SNED1: variants seen among roughly 807,000 people sequenced by gnomAD.
SNED1 encodes sushi, nidogen and EGF-like domain-containing protein 1.
SNED1 carries 81 observed loss-of-function variants against 166.7 expected under a neutral mutation model. The observed-to-expected ratio is 0.49, with a 90% CI of 0.41 to 0.58. The LOEUF (loss-of-function observed/expected upper bound fraction) is 0.58, where lower values mean the gene tolerates loss of function less well. Among genes scored for constraint, SNED1 ranks in the 20% least tolerant of loss-of-function variants. The pLI is 0.00. For missense variants in SNED1, 1,604 were observed against 2,000.2 expected (o/e 0.80, Z 3.78); for synonymous variants, 762 against 822.0 (o/e 0.93, Z 1.25).
intron 26 of SNED1, chr2:241,072,646 C>T (rs751933241): frequency 4.0e-5 from 9 of 223,830 alleles, no homozygotes; most frequent in Non-Finnish European, 5.3e-5. Context: ...GGGTCCCTGC[C>T]GCACGGTGAG....
chr2:241,008,400 C>T (rs904308792), intron 1 of SNED1, among the ~76,000 whole-genome samples: 7 of 152,244 alleles, frequency 4.6e-5, no homozygotes, highest in Non-Finnish European at 8.8e-5. Context: ...AAGCTGCCCC[C>T]ACAGGGTCCC....
intron 1 of SNED1, among the ~76,000 whole-genome samples, chr2:241,016,850 C>CTTTTTTTT (rs5839783): frequency 5.6e-5 from 7 of 125,796 alleles, no homozygotes; most frequent in Non-Finnish European, 8.4e-5. Context: ...TTCTTTCTTT[C>CTTTTTTTT]TTTTTTTTTT....
rs1293203489 is a variant in SNED1 at position 241,073,391 on chromosome 2, T to C, written c.3916+27T>C. 6.5e-7 allele frequency: 1 copy of C among 1,533,588 alleles called. No individual in the cohort carries two copies. Among genetic ancestry groups the C allele is most frequent in the Non-Finnish European group, 8.8e-7 (1 of 1,130,214 alleles). The allele number at this position is 1,533,588 out of a possible 1,614,324, so 95.0% of individuals were successfully genotyped here. A position where few individuals can be genotyped will look rare whatever the true frequency, so the allele number is the denominator to read the frequency against. On this transcript the variant is annotated intron_variant, in intron 27 of 31. Transcript: ENST00000310397. This position sits in a 1 kb window ranked among gnomAD's most constrained non-coding sequence, Gnocchi z 6.6. ...TGAGTCAGCAGCGCTGGTGGGGACT[T>C]TGGGACTGACTGACTGCTCTCAGGG...
chr2:241,050,177 T>G, intron 12 of SNED1: 1 of 565,084 alleles, frequency 1.8e-6, no homozygotes, highest in South Asian at 2.2e-5. Flanking sequence ...ATAGGCTTCA[T>G]TGCCTGCTCA....
At position 241,064,782 on chromosome 2, in the gene SNED1, G is replaced by A. The variant is rs2286319; in HGVS notation, c.2600-62G>A. On this transcript the variant is annotated intron_variant, in intron 19 of 31. Transcript: ENST00000310397. This position sits in a 1 kb window ranked among gnomAD's most constrained non-coding sequence, Gnocchi z 7.0. Reference sequence around the variant, plus strand: ...GACCCAGTGCCCCAGGAGCAAGGGCGGGGCTGGAGCAGGGACCCCTGGCCA... The same window carrying A: ...GACCCAGTGCCCCAGGAGCAAGGGCAGGGCTGGAGCAGGGACCCCTGGCCA... 1.6e-6 allele frequency: 2 copies of A among 1,229,764 alleles called. No homozygotes were observed. The highest frequency in any genetic ancestry group is 2.2e-6 in the Non-Finnish European group (2 of 896,326). The allele number at this position is 1,229,764 out of a possible 1,614,324, so 76.2% of individuals were successfully genotyped here. A position where few individuals can be genotyped will look rare whatever the true frequency, so the allele number is the denominator to read the frequency against.
At chr2:241,044,422 A>G (rs1482226355) in intron 8 of SNED1, among the ~76,000 whole-genome samples, 1 of 152,234 alleles carries the variant, frequency 6.6e-6, no homozygotes, top group East Asian at 1.9e-4. Flanking sequence ...GAATACAGCT[A>G]CAATCCTGGA....
In SNED1 at chr2:241,051,872, AG is replaced by A; in HGVS notation, c.1852+16del. Reference sequence around the variant, plus strand: ...GCACTGTGAGATCGGTGCGGCCCCCAGGGGCAGGGGGGAGGGCAGGAACGAC... The same window carrying A: ...GCACTGTGAGATCGGTGCGGCCCCCAGGGCAGGGGGGAGGGCAGGAACGAC... On this transcript the variant is annotated intron_variant, in intron 13 of 31. Coordinates refer to ENST00000310397, the MANE Select transcript of SNED1 (RefSeq NM_001080437.3). This position sits in a 1 kb window ranked among gnomAD's most constrained non-coding sequence, Gnocchi z 4.7. 6.5e-7 allele frequency: 1 copy of A among 1,527,536 alleles called. No individual in the cohort carries two copies. The allele number at this position is 1,527,536 out of a possible 1,614,324, so 94.6% of individuals were successfully genotyped here.
chr2:241,026,624 A>G (rs2060978854), intron 1 of SNED1, among the ~76,000 whole-genome samples: 1 of 152,140 alleles, frequency 6.6e-6, no homozygotes, highest in Non-Finnish European at 1.5e-5. Context: ...AATTTCTGTT[A>G]TTTAGTTACT....
At chr2:241,078,059 A>G (rs2063113510) in intron 27 of SNED1, among the ~76,000 whole-genome samples, 1 of 152,218 alleles carries the variant, frequency 6.6e-6, no homozygotes, top group South Asian at 2.1e-4. Context: ...AAAGCCAGAA[A>G]GTAGAAACCA....
chr2:241,007,141 C>T (rs2060242819), intron 1 of SNED1, among the ~76,000 whole-genome samples: 1 of 152,184 alleles, frequency 6.6e-6, no homozygotes. Flanking sequence ...CTGTGGGTGA[C>T]TGTATATGCT....
In SNED1 at chr2:241,091,929, T is replaced by C. The variant is rs866805335; in HGVS notation, c.*293T>C. 7 of 152,306 alleles carry C rather than the reference T, an allele frequency of 4.6e-5. No homozygotes were observed. The highest frequency in any genetic ancestry group is 1.3e-4 in the Admixed American group (2 of 15,280). 9.4% of individuals were successfully genotyped at this position (152,306 alleles called of 1,614,324 possible). ...AGTTCCTGAAGGTGTAGTCTGTGTC[T>C]CTGCGGATGAGATGACAGCTCGCCA... On this transcript the variant is annotated 3_prime_UTR_variant, in exon 32 of 32. Coordinates refer to ENST00000310397, the MANE Select transcript of SNED1 (RefSeq NM_001080437.3). The surrounding 1 kb of genome is among the most constrained non-coding windows in gnomAD (Gnocchi z 4.1).
chr2:241,047,236 T>C (rs1336605476), intron 8 of SNED1, among the ~76,000 whole-genome samples: 1 of 151,788 alleles, frequency 6.6e-6, no homozygotes, highest in Non-Finnish European at 1.5e-5. Flanking sequence ...AATTAAACTT[T>C]AGAATGGGGA....
rs936006834 is a variant in SNED1 at position 240,999,840 on chromosome 2, C to G, written c.213+790C>G. On this transcript the variant is annotated intron_variant, in intron 1 of 31. Transcript: ENST00000310397. This position sits in a 1 kb window ranked among gnomAD's most constrained non-coding sequence, Gnocchi z 5.8. The stretch of plus-strand genomic sequence containing the variant: ...GCACCTGGTAACTGCATGGAGCACT[C>G]GCCCTGAGTAGGCCACGGTGCACTG... 1.3e-5 allele frequency among the ~76,000 whole-genome samples: 2 copies of G among 152,154 alleles called. No individual in the cohort carries two copies. The highest frequency in any genetic ancestry group is 2.9e-5 in the Non-Finnish European group (2 of 68,010).
chr2:241,022,131 C>T (rs2060793581), intron 1 of SNED1, among the ~76,000 whole-genome samples: 1 of 152,018 alleles, frequency 6.6e-6, no homozygotes, highest in South Asian at 2.1e-4. Context: ...GATATATATC[C>T]CTTATCTGAT....
rs1468410013 is a variant in SNED1, at chr2:241,091,883, C to G, written c.*247C>G. 6.6e-6 allele frequency: 1 copy of G among 152,368 alleles called. No homozygotes were observed. The highest frequency in any genetic ancestry group is 1.5e-5 in the Non-Finnish European group (1 of 68,166). 9.4% of individuals were successfully genotyped at this position (152,368 alleles called of 1,614,324 possible). A position where few individuals can be genotyped will look rare whatever the true frequency, so the allele number is the denominator to read the frequency against. On this transcript the variant is annotated 3_prime_UTR_variant, in exon 32 of 32. Transcript: ENST00000310397. This position sits in a 1 kb window ranked among gnomAD's most constrained non-coding sequence, Gnocchi z 4.1. Reference sequence around the variant, plus strand: ...GAGTCCTGCGATGCGTTTAAGCAGCCTGTGCCCTCACCCAAGCTGCAGTTC... The same window carrying G: ...GAGTCCTGCGATGCGTTTAAGCAGCGTGTGCCCTCACCCAAGCTGCAGTTC...
At chr2:241,010,616 C>T (rs1289785286) in intron 1 of SNED1, 1 of 152,346 alleles carries the variant, frequency 6.6e-6, no homozygotes, top group Non-Finnish European at 1.5e-5. Context: ...GCATCCCCTC[C>T]ATGGCAAGGC....
Position 240,998,945 on chromosome 2 carries a change from C to G in SNED1, c.108C>G (p.Ala36=). ...VALADFYPFG[A]ERGDAVTPKQ... ...TTGCCGACTTCTACCCGTTCGGCGC[C>G]GAGCGCGGCGACGCCGTCACCCCCA... The change falls in exon 1 of 32, where the codon GCC becomes GCG. Residue 36 remains alanine, a synonymous_variant. Transcript: ENST00000310397. 2 of 1,292,204 alleles carry G rather than the reference C, an allele frequency of 1.5e-6. No individual in the cohort carries two copies. Among genetic ancestry groups the G allele is most frequent in the Non-Finnish European group, 2.0e-6 (2 of 1,018,142 alleles). 80.0% of individuals were successfully genotyped at this position (1,292,204 alleles called of 1,614,324 possible).
chr2:241,087,208 C>A (rs1430270169), intron 29 of SNED1, 184 bp from the exon 30 acceptor site: 3 of 582,364 alleles, frequency 5.2e-6, no homozygotes, highest in East Asian at 5.9e-5. Flanking sequence ...AAATTTATTA[C>A]AAATCACATG....
chr2:241,087,386 C>A lies in SNED1; in HGVS notation c.4122-6C>A, dbSNP rs2063637723. The A allele has an allele frequency of 6.3e-7, 1 of 1,590,732 alleles. No homozygotes were observed. Among genetic ancestry groups the A allele is most frequent in the Admixed American group, 1.8e-5 (1 of 56,194 alleles). On this transcript the variant is annotated splice_polypyrimidine_tract_variant and splice_region_variant and intron_variant, in intron 29 of 31. Transcript: ENST00000310397. Reference sequence around the variant, plus strand: ...CTGGTTTTACAAAGCTTTCTTGTGACAACAGGTATAAAAGAGTCTACCGAG... The same window carrying A: ...CTGGTTTTACAAAGCTTTCTTGTGAAAACAGGTATAAAAGAGTCTACCGAG...
Sources: allele counts gnomAD v4.1 joint callset (sites outside exome capture counted in the v4.1 genomes callset), GRCh38; gene constraint gnomAD v4.1.1; non-coding constraint Gnocchi (gnomAD v3.1); transcripts MANE v1.5; gene names NCBI Gene and HGNC (gene_info 2026-07-23, HGNC 2026-07-21).